CSMD1: variants seen among roughly 807,000 people sequenced by gnomAD.
The protein encoded by CSMD1 is CUB and Sushi multiple domains 1, also known as CUB and sushi domain-containing protein 1.
Under a neutral mutation model 417.5 loss-of-function variants are expected in CSMD1, and 213 were observed. The observed-to-expected ratio is 0.51, with a 90% CI of 0.46 to 0.57. CSMD1 has a LOEUF of 0.57. Among genes scored for constraint, CSMD1 ranks in the 20% least tolerant of loss-of-function variants. The pLI is 0.00. For synonymous variants in CSMD1, 2,862 were observed against 1,736.8 expected (o/e 1.65, Z -16.11); for missense variants, 6,923 against 4,529.7 (o/e 1.53, Z -15.17).
intron 65 of CSMD1, among the ~76,000 whole-genome samples, chr8:2,953,967 G>C (rs1360225838): frequency 6.6e-6 from 1 of 152,260 alleles, no homozygotes. Context: ...AAATGCCGAA[G>C]GCAAGTTTGA....
intron 2 of CSMD1, among the ~76,000 whole-genome samples, chr8:4,486,986 C>T (rs1322969513): frequency 6.6e-6 from 1 of 152,166 alleles, no homozygotes; most frequent in African/African-American, 2.4e-5. Context: ...GACGGCTACA[C>T]ACGCCTTCCA....
chr8:3,183,252 C>A (rs930095486), intron 36 of CSMD1: 1 of 113,996 alleles, frequency 8.8e-6, no homozygotes. Context: ...CGGCATCCAT[C>A]CACGTCACAA....
At chr8:4,241,372 T>C (rs922779986) in intron 3 of CSMD1, among the ~76,000 whole-genome samples, 1 of 152,242 alleles carries the variant, frequency 6.6e-6, no homozygotes, top group East Asian at 1.9e-4. Context: ...TAGCAGGTCC[T>C]CAGGGAAACC....
intron 1 of CSMD1, among the ~76,000 whole-genome samples, chr8:4,949,228 T>C (rs1316022624): frequency 3.9e-5 from 6 of 152,202 alleles, no homozygotes; most frequent in Admixed American, 1.3e-4. Flanking sequence ...ATAATTTTTT[T>C]AGAATTTTTG....
At chr8:3,543,143 G>A (rs1423585149) in intron 10 of CSMD1, among the ~76,000 whole-genome samples, 2 of 152,192 alleles carry the variant, frequency 1.3e-5, no homozygotes, top group East Asian at 1.9e-4. Flanking sequence ...CAGACAGAGA[G>A]AAGGACAAAA....
At chr8:4,106,755 A>G (rs947535431) in intron 3 of CSMD1, among the ~76,000 whole-genome samples, 1 of 152,140 alleles carries the variant, frequency 6.6e-6, no homozygotes, top group Admixed American at 6.6e-5. Flanking sequence ...CAGACCCCGC[A>G]CAGCTAGTGA....
At chr8:3,442,224 G>A (rs948754764) in intron 12 of CSMD1, among the ~76,000 whole-genome samples, 10 of 152,012 alleles carry the variant, frequency 6.6e-5, no homozygotes, top group African/African-American at 2.4e-4. Context: ...AAGTAAAAAA[G>A]TTACAGTAAG....
intron 5 of CSMD1, among the ~76,000 whole-genome samples, chr8:3,952,556 C>A (rs1811662177): frequency 6.6e-6 from 1 of 151,970 alleles, no homozygotes; most frequent in Non-Finnish European, 1.5e-5. Flanking sequence ...AGTATAAATT[C>A]ACAGAGGCAG....
intron 1 of CSMD1, among the ~76,000 whole-genome samples, chr8:4,716,167 G>T (rs1808642049): frequency 6.6e-6 from 1 of 152,166 alleles, no homozygotes; most frequent in African/African-American, 2.4e-5. Context: ...ACACTTCAGC[G>T]AGGAATCCCC....
rs531172138 is a variant in CSMD1, at chr8:3,223,174, A to G, written c.4484+555T>C. On this transcript the variant is annotated intron_variant, in intron 28 of 69. Transcript: ENST00000635120. ...AAGAGTTTATTTTCATAAAATGACT[A>G]CAGTATTAGACCTTCCATCGTCTAG... Among the ~76,000 whole-genome samples the G allele has an allele frequency of 2.0e-5, 3 of 152,360 alleles. No homozygotes were observed. The South Asian group carries it at 6.2e-4, about 32-fold the overall frequency.
chr8:3,083,191 C>G (rs1219076329), intron 49 of CSMD1, among the ~76,000 whole-genome samples: 1 of 151,884 alleles, frequency 6.6e-6, no homozygotes, highest in African/African-American at 2.4e-5. Context: ...TCTCTTTAAA[C>G]AAAAATGCTA....
rs534290048 is a variant in CSMD1 at position 3,226,990 on chromosome 8, A to G, written c.4345+3050T>C. ...TTTAAAATGCCAATTAAAACAAGACATCATCACTTTGTGCCTTAAAATCTA... is the reference window on the plus strand; with the variant it reads ...TTTAAAATGCCAATTAAAACAAGACGTCATCACTTTGTGCCTTAAAATCTA... On this transcript the variant is annotated intron_variant, in intron 27 of 69. Coordinates refer to ENST00000635120, the MANE Select transcript of CSMD1 (RefSeq NM_033225.6). Among the ~76,000 whole-genome samples the G allele has an allele frequency of 3.3e-5, 5 of 152,230 alleles. No homozygotes were observed. In the South Asian group the frequency reaches 1.0e-3, roughly 32 times the overall value.
At chr8:3,983,466 A>G (rs1814059411) in intron 5 of CSMD1, among the ~76,000 whole-genome samples, 1 of 152,128 alleles carries the variant, frequency 6.6e-6, no homozygotes, top group African/African-American at 2.4e-5. Flanking sequence ...ATAAGTCACC[A>G]GGGTAGATAT....
At chr8:4,140,145 G>A (rs978521610) in intron 3 of CSMD1, among the ~76,000 whole-genome samples, 8 of 150,860 alleles carry the variant, frequency 5.3e-5, no homozygotes, top group South Asian at 2.1e-4. Flanking sequence ...TTGAGCCCAG[G>A]GGTTTGCGAC....
chr8:3,208,720 C>T (rs1181406206), intron 30 of CSMD1, among the ~76,000 whole-genome samples: 2 of 152,078 alleles, frequency 1.3e-5, no homozygotes, highest in African/African-American at 2.4e-5. Context: ...TTTGGGTGGG[C>T]ACCATCTAAT....
intron 10 of CSMD1, among the ~76,000 whole-genome samples, chr8:3,495,529 A>T (rs1444918456): frequency 2.0e-5 from 3 of 152,206 alleles, no homozygotes; most frequent in African/African-American, 7.2e-5. Flanking sequence ...TCATCTCAAC[A>T]ATCAGCAGGT....
intron 5 of CSMD1, among the ~76,000 whole-genome samples, chr8:3,957,206 A>G (rs1243110794): frequency 6.6e-6 from 1 of 152,184 alleles, no homozygotes; most frequent in African/African-American, 2.4e-5. Flanking sequence ...ACATTTCTCA[A>G]AATGAGAAGA....
At chr8:4,240,230 G>A (rs191361876) in intron 3 of CSMD1, among the ~76,000 whole-genome samples, 2 of 152,250 alleles carry the variant, frequency 1.3e-5, no homozygotes, top group Non-Finnish European at 2.9e-5. Context: ...AGCGTAGCTT[G>A]TGCTAACCTG....
chr8:4,514,194 T>A (rs1227816433), intron 2 of CSMD1, among the ~76,000 whole-genome samples: 1 of 152,150 alleles, frequency 6.6e-6, no homozygotes, highest in Non-Finnish European at 1.5e-5. Context: ...TCTTACCGTG[T>A]CCTCATAAGG....
Sources: allele counts gnomAD v4.1 joint callset (sites outside exome capture counted in the v4.1 genomes callset), GRCh38; gene constraint gnomAD v4.1.1; transcripts MANE v1.5; gene names NCBI Gene and HGNC (gene_info 2026-07-23, HGNC 2026-07-21).